SLC25A21: variants seen among roughly 807,000 people sequenced by gnomAD.
The protein encoded by SLC25A21 is solute carrier family 25 member 21, also known as mitochondrial 2-oxodicarboxylate carrier.
Under a neutral mutation model 43.8 loss-of-function variants are expected in SLC25A21, and 47 were observed. The observed-to-expected ratio is 1.07, with a 90% CI of 0.85 to 1.37. The LOEUF is 1.37. Ranked by LOEUF, SLC25A21 falls within the 40% of genes most tolerant of loss-of-function variation. The pLI is 0.00. For synonymous variants in SLC25A21, 131 were observed against 121.3 expected (o/e 1.08, Z -0.52); for missense variants, 352 against 350.2 (o/e 1.00, Z -0.04).
At chr14:37,171,985 T>G in intron 1 of SLC25A21, 1 of 421,708 alleles carries the variant, frequency 2.4e-6, no homozygotes. Flanking sequence ...CGCCTCAAAG[T>G]CGCTGCCCTT....
chr14:37,066,036 G>A (rs760244445), intron 1 of SLC25A21, among the ~76,000 whole-genome samples: 11 of 152,132 alleles, frequency 7.2e-5, no homozygotes, highest in African/African-American at 2.7e-4. Context: ...CTTAAAGTGC[G>A]AACCCACAAG....
At chr14:36,867,045 T>C (rs1439722033) in intron 2 of SLC25A21, among the ~76,000 whole-genome samples, 1 of 152,012 alleles carries the variant, frequency 6.6e-6, no homozygotes, top group East Asian at 1.9e-4. Flanking sequence ...CTAGATGGAG[T>C]CTGGGGTTTC....
intron 1 of SLC25A21, among the ~76,000 whole-genome samples, chr14:37,065,687 A>G (rs1962044813): frequency 6.6e-6 from 1 of 152,206 alleles, no homozygotes; most frequent in South Asian, 2.1e-4. Context: ...GTGGTCCTTG[A>G]GCCAATGTGC....
rs573345902 is a variant in SLC25A21, at chr14:36,904,292, C to T, written c.71-29288G>A. On this transcript the variant is annotated intron_variant, in intron 1 of 9. Coordinates refer to ENST00000331299, the MANE Select transcript of SLC25A21 (RefSeq NM_030631.4). ...GGGAGAATCTGAAATAAATCAGCAA[C>T]TCAAAGGGCCATCTAGTTTTGTCTT... 2.0e-5 allele frequency among the ~76,000 whole-genome samples: 3 copies of T among 152,272 alleles called. No homozygotes were observed. The East Asian group carries it at 5.8e-4, about 29-fold the overall frequency.
chr14:36,998,420 A>ATG (rs1960418135), intron 1 of SLC25A21, among the ~76,000 whole-genome samples: 2 of 152,174 alleles, frequency 1.3e-5, no homozygotes, highest in African/African-American at 2.4e-5. Context: ...CTTCTACCTC[A>ATG]TGAATCATGA....
rs10150486 is a variant in SLC25A21, at chr14:37,096,524, T to C, written c.70+75757A>G. The stretch of plus-strand genomic sequence containing the variant: ...CTTAGATTTGTCCTTTTGAAGCTAT[T>C]TTCTAGATCTTGTAAACACTTTGTT... On this transcript the variant is annotated intron_variant, in intron 1 of 9. Transcript: ENST00000331299. Among the ~76,000 whole-genome samples, 1,518 of 152,312 alleles carry C rather than the reference T, an allele frequency of 1.0e-2. 24 individuals carry two copies. Among genetic ancestry groups the C allele is most frequent in the African/African-American group, 0.035 (1,451 of 41,576 alleles).
At chr14:37,007,405 C>A (rs1459326984) in intron 1 of SLC25A21, among the ~76,000 whole-genome samples, 2 of 152,026 alleles carry the variant, frequency 1.3e-5, no homozygotes, top group African/African-American at 2.4e-5. Context: ...GAGTTTGAGA[C>A]CAGCCTGGCC....
intron 1 of SLC25A21, among the ~76,000 whole-genome samples, chr14:36,903,502 A>G (rs1432453235): frequency 6.7e-6 from 1 of 150,194 alleles, no homozygotes; most frequent in Non-Finnish European, 1.5e-5. Flanking sequence ...AATCCCAGCT[A>G]CTCGGGAGGC....
intron 1 of SLC25A21, among the ~76,000 whole-genome samples, chr14:36,993,425 A>G: frequency 6.6e-6 from 1 of 152,220 alleles, no homozygotes; most frequent in East Asian, 1.9e-4. Context: ...TTAAAGAAAC[A>G]TGTATCCTGC....
chr14:36,908,106 T>C (rs571039357), intron 1 of SLC25A21, among the ~76,000 whole-genome samples: 1 of 152,148 alleles, frequency 6.6e-6, no homozygotes, highest in Non-Finnish European at 1.5e-5. Flanking sequence ...GCACAGAGGA[T>C]TTTTAGGGCA....
chr14:36,766,777 G>T (rs1886432217), intron 3 of SLC25A21, among the ~76,000 whole-genome samples: 1 of 152,092 alleles, frequency 6.6e-6, no homozygotes. Context: ...TGACTCCAGG[G>T]TCTGTCACTT....
At chr14:37,059,716 A>C (rs1961904270) in intron 1 of SLC25A21, among the ~76,000 whole-genome samples, 2 of 152,220 alleles carry the variant, frequency 1.3e-5, no homozygotes, top group Non-Finnish European at 2.9e-5. Flanking sequence ...AAGTTTTCAC[A>C]GAGTTGACAA....
chr14:36,846,612 C>T (rs565862806), intron 2 of SLC25A21, among the ~76,000 whole-genome samples: 3 of 152,292 alleles, frequency 2.0e-5, no homozygotes, highest in South Asian at 2.1e-4. Flanking sequence ...GAACTCCCAA[C>T]CTCAGGTGAT....
At chr14:36,694,863 G>A (rs1882949232) in intron 7 of SLC25A21, among the ~76,000 whole-genome samples, 1 of 152,154 alleles carries the variant, frequency 6.6e-6, no homozygotes, top group African/African-American at 2.4e-5. Flanking sequence ...TAGGTTGCCT[G>A]TTCTCTCTGA....
intron 3 of SLC25A21, among the ~76,000 whole-genome samples, chr14:36,797,336 G>A (rs2138413336): frequency 6.6e-6 from 1 of 152,180 alleles, no homozygotes; most frequent in East Asian, 1.9e-4. Flanking sequence ...TAATGCTGTT[G>A]ATATGTGGCT....
intron 1 of SLC25A21, among the ~76,000 whole-genome samples, chr14:36,900,530 C>A (rs959152218): frequency 6.6e-6 from 1 of 152,200 alleles, no homozygotes; most frequent in Non-Finnish European, 1.5e-5. Context: ...ACACTACTAA[C>A]AACCCAATGA....
intron 3 of SLC25A21, 55 bp from the exon 4 acceptor site, chr14:36,734,628 T>G: frequency 7.3e-7 from 1 of 1,363,272 alleles, no homozygotes. Flanking sequence ...AACAAGTATT[T>G]CTGACTTTGT....
intron 1 of SLC25A21, among the ~76,000 whole-genome samples, chr14:36,950,418 C>A (rs914510798): frequency 2.0e-5 from 3 of 152,192 alleles, no homozygotes; most frequent in South Asian, 4.2e-4. Context: ...GGAAGAAATA[C>A]CGAAGATATA....
chr14:36,919,253 T>C (rs1379987517), intron 1 of SLC25A21, among the ~76,000 whole-genome samples: 2 of 152,094 alleles, frequency 1.3e-5, no homozygotes, highest in Admixed American at 1.3e-4. Context: ...ATTTCCATAT[T>C]AGAAATTATG....
Sources: gnomAD v4.1 joint callset for allele counts (sites outside exome capture counted in the v4.1 genomes callset) on GRCh38, gnomAD v4.1.1 for gene constraint, MANE v1.5 for transcripts, NCBI Gene and HGNC (gene_info 2026-07-23, HGNC 2026-07-21) for gene names.